PTK2B: variants seen among roughly 807,000 people sequenced by gnomAD.
The protein encoded by PTK2B is protein-tyrosine kinase 2-beta.
A neutral mutation model predicts 142.9 loss-of-function variants in PTK2B; 71 were observed. The ratio of observed to expected loss-of-function variants is 0.50; its 90% confidence interval spans 0.41 to 0.61. PTK2B has a LOEUF of 0.61. Ranked by LOEUF, PTK2B falls within the 20% of genes least tolerant of loss-of-function variation. The probability of loss-of-function intolerance (pLI) is 0.00; values close to 1 mark genes in which losing one functional copy is unlikely to be tolerated. For missense variants in PTK2B, 1,105 were observed against 1,320.4 expected (o/e 0.84, Z 2.53); for synonymous variants, 519 against 503.4 (o/e 1.03, Z -0.42).
intron 1 of PTK2B, among the ~76,000 whole-genome samples, chr8:27,347,100 G>C (rs148773526): frequency 6.6e-6 from 1 of 152,218 alleles, no homozygotes; most frequent in African/African-American, 2.4e-5. Flanking sequence ...GGCTAGGCTG[G>C]ACACTATGGC....
intron 1 of PTK2B, among the ~76,000 whole-genome samples, chr8:27,361,411 T>G (rs528970930): frequency 1.8e-4 from 28 of 152,190 alleles, no homozygotes; most frequent in African/African-American, 6.7e-4. Flanking sequence ...TTTGTACAGA[T>G]GGGGGTCTCA....
chr8:27,324,694 A>G (rs1185480356), upstream of PTK2B, among the ~76,000 whole-genome samples: 7 of 152,232 alleles, frequency 4.6e-5, no homozygotes, highest in Non-Finnish European at 1.0e-4. Context: ...CCTGCACAGG[A>G]CACAGAATAA....
At chr8:27,419,161 T>G (rs985529681) in intron 2 of PTK2B, among the ~76,000 whole-genome samples, 1 of 152,222 alleles carries the variant, frequency 6.6e-6, no homozygotes, top group Non-Finnish European at 1.5e-5. Flanking sequence ...GGCATCAGGC[T>G]GGGAGACAGG....
At chr8:27,371,990 A>C (rs1806389617) in intron 1 of PTK2B, among the ~76,000 whole-genome samples, 1 of 150,308 alleles carries the variant, frequency 6.7e-6, no homozygotes, top group Non-Finnish European at 1.5e-5. Context: ...GGACACTCAT[A>C]TGTTCTGCAA....
chr8:27,343,717 T>G (rs1804548154), intron 1 of PTK2B, among the ~76,000 whole-genome samples: 1 of 152,140 alleles, frequency 6.6e-6, no homozygotes, highest in Admixed American at 6.5e-5. Flanking sequence ...AAAATTTCTT[T>G]CGCCAGGCGT....
upstream of PTK2B, chr8:27,322,813 C>G (rs1223195355): frequency 7.1e-6 from 1 of 140,478 alleles, no homozygotes; most frequent in Non-Finnish European, 1.5e-5. Flanking sequence ...CAACCCACGA[C>G]CCCCTCCAAT....
At chr8:27,408,824 T>C (rs1808882098) in intron 2 of PTK2B, among the ~76,000 whole-genome samples, 1 of 152,244 alleles carries the variant, frequency 6.6e-6, no homozygotes, top group Non-Finnish European at 1.5e-5. Context: ...GTCTCCTAGG[T>C]CTGCTTTAAC....
intron 14 of PTK2B, 98 bp from the exon 15 acceptor site, chr8:27,436,153 A>G: frequency 8.7e-7 from 1 of 1,149,066 alleles, no homozygotes; most frequent in African/African-American, 1.5e-5. Context: ...GGTGTTATAG[A>G]TCTGGTGACG....
At chr8:27,329,987 C>G (rs571229522) in intron 1 of PTK2B, among the ~76,000 whole-genome samples, 2 of 152,182 alleles carry the variant, frequency 1.3e-5, no homozygotes, top group Admixed American at 1.3e-4. Flanking sequence ...CAGACACCAC[C>G]ATTACTCTGA....
chr8:27,454,604 G>A lies in PTK2B; in HGVS notation c.2807G>A (p.Arg936Gln), dbSNP rs758581673. The change falls in exon 30 of 31, where the codon CGG becomes CAG. Residue 936 changes from arginine (R) to glutamine (Q), a missense_variant. Transcript: ENST00000346049. The part of the protein sequence containing the change: ...DLLPSLPSSS[R>Q]TEIEGTQKLL... ...CTGCCTTCCTTGCCGTCATCTTCAC[G>A]GACAGAGGTGAGCGTCCCATTCCAG... is the stretch of plus-strand genomic sequence containing the variant. 35 of 1,613,896 alleles carry A rather than the reference G, an allele frequency of 2.2e-5. No homozygotes were observed. The East Asian group carries it at 2.2e-4, about 10-fold the overall frequency.
rs768011540 is a variant in PTK2B at position 27,396,702 on chromosome 8, C to T, written c.-37-846C>T. Among the ~76,000 whole-genome samples, 32 of 152,206 alleles carry T rather than the reference C, an allele frequency of 2.1e-4. 1 individual carries two copies. The highest frequency in any genetic ancestry group is 2.2e-4 in the Non-Finnish European group (15 of 68,032). On this transcript the variant is annotated intron_variant, in intron 1 of 30. Transcript: ENST00000346049. ...AGATCAGTGGGAGATAAACCCTACTCTACTGAGTTGTATTGGACCTAGAGG... is the reference window on the plus strand; with the variant it reads ...AGATCAGTGGGAGATAAACCCTACTTTACTGAGTTGTATTGGACCTAGAGG...
At chr8:27,359,262 G>A (rs574642477) in intron 1 of PTK2B, among the ~76,000 whole-genome samples, 270 of 152,182 alleles carry the variant, frequency 1.8e-3, no homozygotes, top group Non-Finnish European at 3.1e-3. Flanking sequence ...CTACAGGCAT[G>A]CACCACAATG....
At chr8:27,434,031 A>C in intron 11 of PTK2B, 62 bp from the exon 12 acceptor site, 1 of 1,558,966 alleles carries the variant, frequency 6.4e-7, no homozygotes. Flanking sequence ...TGAGGAGGTC[A>C]GTCACCCATC....
At chr8:27,409,481 C>T (rs560116893) in intron 2 of PTK2B, among the ~76,000 whole-genome samples, 7 of 151,856 alleles carry the variant, frequency 4.6e-5, no homozygotes, top group East Asian at 1.9e-4. Context: ...GTGTTGGGGG[C>T]GAAGAAAGAG....
chr8:27,316,153 C>G (rs549139914), intron 3 of PTK2B, among the ~76,000 whole-genome samples: 25 of 152,312 alleles, frequency 1.6e-4, no homozygotes, highest in African/African-American at 5.8e-4. Flanking sequence ...TCCTGCATCC[C>G]ACCTCCCAAA....
At chr8:27,324,880 G>A (rs552987746), upstream of PTK2B, among the ~76,000 whole-genome samples, 3 of 152,308 alleles carry the variant, frequency 2.0e-5, no homozygotes, top group African/African-American at 7.2e-5. Flanking sequence ...TTGAGTGCCT[G>A]CTCACATATC....
At chr8:27,443,272 C>T (rs919173251) in intron 22 of PTK2B, among the ~76,000 whole-genome samples, 1 of 152,194 alleles carries the variant, frequency 6.6e-6, no homozygotes, top group South Asian at 2.1e-4. Context: ...ATGAGATCCC[C>T]CTGAGGACAC....
At chr8:27,387,761 A>T (rs926132372) in intron 1 of PTK2B, among the ~76,000 whole-genome samples, 1 of 151,076 alleles carries the variant, frequency 6.6e-6, no homozygotes, top group African/African-American at 2.4e-5. Context: ...CCTAAATCCT[A>T]TTTTTTAATC....
chr8:27,397,254 G>A (rs1808107197), intron 1 of PTK2B, among the ~76,000 whole-genome samples: 1 of 152,180 alleles, frequency 6.6e-6, no homozygotes, highest in Admixed American at 6.5e-5. Context: ...CCTTGCCTGG[G>A]TGCCAGGGTG....
Sources: gnomAD v4.1 joint callset for allele counts (sites outside exome capture counted in the v4.1 genomes callset) on GRCh38, gnomAD v4.1.1 for gene constraint, MANE v1.5 for transcripts, NCBI Gene and HGNC (gene_info 2026-07-23, HGNC 2026-07-21) for gene names.